Variants in IQCJ observed in about 807,000 individuals in gnomAD.
IQCJ encodes IQ motif containing J.
Under a neutral mutation model 11.0 loss-of-function variants are expected in IQCJ, and 9 were observed. The ratio of observed to expected loss-of-function variants is 0.82; its 90% CI spans 0.49 to 1.43. The LOEUF is 1.43. Ranked by LOEUF, IQCJ falls within the 40% of genes most tolerant of loss-of-function variation. The pLI is 0.00. For missense variants in IQCJ, 146 were observed against 133.2 expected, an observed-to-expected ratio of 1.10 and a Z score of -0.47; for synonymous variants, 55 against 51.3, an observed-to-expected ratio of 1.07 and a Z score of -0.31.
At chr3:159,151,458 T>G (rs1348266372) in intron 1 of IQCJ, among the ~76,000 whole-genome samples, 1 of 152,212 alleles carries the variant, frequency 6.6e-6, no homozygotes, top group African/African-American at 2.4e-5. Flanking sequence ...CAGCCTGTCT[T>G]TCTTTCCAAC....
At chr3:159,230,849 A>G (rs1436216016) in intron 1 of IQCJ, among the ~76,000 whole-genome samples, 2 of 152,214 alleles carry the variant, frequency 1.3e-5, no homozygotes, top group African/African-American at 4.8e-5. Flanking sequence ...CAGAAATCTC[A>G]AAGGCAGAAA....
intron 1 of IQCJ, among the ~76,000 whole-genome samples, chr3:159,221,430 G>C (rs569165029): frequency 6.6e-6 from 1 of 152,220 alleles, no homozygotes; most frequent in Non-Finnish European, 1.5e-5. Flanking sequence ...TTTTAAAATG[G>C]TCTCTGCTGC....
intron 1 of IQCJ, among the ~76,000 whole-genome samples, chr3:159,185,390 G>A (rs1390539917): frequency 2.0e-5 from 3 of 152,120 alleles, no homozygotes; most frequent in Non-Finnish European, 4.4e-5. Context: ...TCTAGTCTCT[G>A]TGGTATGGTG....
intron 2 of IQCJ, among the ~76,000 whole-genome samples, chr3:159,247,024 A>ACACT (rs1466012530): frequency 2.6e-5 from 4 of 152,222 alleles, no homozygotes; most frequent in Non-Finnish European, 4.4e-5. Flanking sequence ...AGCACAGCCA[A>ACACT]CACTCCTGTA....
chr3:159,084,369 G>A (rs752015976), intron 1 of IQCJ, among the ~76,000 whole-genome samples: 2 of 152,042 alleles, frequency 1.3e-5, no homozygotes, highest in African/African-American at 2.4e-5. Context: ...TAGAGTGGAA[G>A]AATGGAAGAC....
At chr3:159,248,180 G>A (rs988669816) in intron 2 of IQCJ, among the ~76,000 whole-genome samples, 2 of 152,152 alleles carry the variant, frequency 1.3e-5, no homozygotes, top group Non-Finnish European at 2.9e-5. Flanking sequence ...CTTATTGAGA[G>A]CATTAAATGA....
At chr3:159,083,555 T>C (rs1288156778) in intron 1 of IQCJ, among the ~76,000 whole-genome samples, 1 of 152,126 alleles carries the variant, frequency 6.6e-6, no homozygotes, top group East Asian at 1.9e-4. Context: ...ATATGGCAAT[T>C]TCTTACAGAA....
At chr3:159,220,201 G>C (rs1303664867) in intron 1 of IQCJ, among the ~76,000 whole-genome samples, 1 of 152,136 alleles carries the variant, frequency 6.6e-6, no homozygotes, top group Non-Finnish European at 1.5e-5. Context: ...ATACAGTCAA[G>C]CACACAGCTC....
downstream of IQCJ, chr3:159,265,138 C>T (rs1728427586): frequency 1.6e-5 from 19 of 1,223,748 alleles, no homozygotes; most frequent in South Asian, 3.0e-4. Flanking sequence ...ATCCAAGTCA[C>T]AGTTTAAAAG....
intron 2 of IQCJ, among the ~76,000 whole-genome samples, chr3:159,246,912 T>G (rs1393140144): frequency 6.6e-6 from 1 of 152,092 alleles, no homozygotes; most frequent in Non-Finnish European, 1.5e-5. Context: ...AAGGAAAAAC[T>G]TTTGTAAAAG....
At chr3:159,086,113 C>A (rs1384166326) in intron 1 of IQCJ, among the ~76,000 whole-genome samples, 2 of 152,144 alleles carry the variant, frequency 1.3e-5, no homozygotes, top group African/African-American at 4.8e-5. Context: ...AAGAAGGGAT[C>A]CAGTTTCAGC....
At chr3:159,202,695 G>C (rs1033418848) in intron 1 of IQCJ, among the ~76,000 whole-genome samples, 52 of 152,104 alleles carry the variant, frequency 3.4e-4, no homozygotes, top group African/African-American at 1.2e-3. Flanking sequence ...ACATGGTCTT[G>C]TTATGTTGCC....
chr3:159,214,179 C>T (rs765170400), intron 1 of IQCJ, among the ~76,000 whole-genome samples: 9 of 152,186 alleles, frequency 5.9e-5, no homozygotes, highest in Non-Finnish European at 1.3e-4. Context: ...ATTATCAACT[C>T]CATTCCCAGC....
At chr3:159,085,430 C>T (rs1716663968) in intron 1 of IQCJ, among the ~76,000 whole-genome samples, 1 of 151,958 alleles carries the variant, frequency 6.6e-6, no homozygotes, top group African/African-American at 2.4e-5. Context: ...TGGGTATATA[C>T]CCAGTAATGG....
intron 1 of IQCJ, among the ~76,000 whole-genome samples, chr3:159,094,934 T>A (rs1002592806): frequency 2.6e-5 from 4 of 151,910 alleles, no homozygotes; most frequent in African/African-American, 9.7e-5. Context: ...CATCAGGTAG[T>A]AATAACTGCT....
At chr3:159,089,603 G>T (rs28762836) in intron 1 of IQCJ, among the ~76,000 whole-genome samples, 11,909 of 151,632 alleles carry the variant, frequency 0.079, 848 homozygotes, top group East Asian at 0.34. Context: ...ATATTTCTTG[G>T]AGGCTTTGCT....
chr3:159,160,778 C>T (rs1389924384), intron 1 of IQCJ, among the ~76,000 whole-genome samples: 3 of 145,396 alleles, frequency 2.1e-5, no homozygotes, highest in South Asian at 4.3e-4. Context: ...TGAGAATATG[C>T]GGTGTTTGGT....
At chr3:159,120,170 C>T (rs1719280548) in intron 1 of IQCJ, among the ~76,000 whole-genome samples, 1 of 152,098 alleles carries the variant, frequency 6.6e-6, no homozygotes, top group Non-Finnish European at 1.5e-5. Context: ...CATGCATACC[C>T]CCAGCAGTGC....
At chr3:159,108,064 G>T (rs1292400757) in intron 1 of IQCJ, among the ~76,000 whole-genome samples, 2 of 131,598 alleles carry the variant, frequency 1.5e-5, no homozygotes. Flanking sequence ...GGCATGAAAA[G>T]AACTTTAATA....
Sources: gnomAD v4.1 joint callset for allele counts (sites outside exome capture counted in the v4.1 genomes callset) on GRCh38, gnomAD v4.1.1 for gene constraint, MANE v1.5 for transcripts, NCBI Gene and HGNC (gene_info 2026-07-23, HGNC 2026-07-21) for gene names.